Variants in CSPG5 observed in about 807,000 individuals in gnomAD.
CSPG5 encodes the protein acidic leucine-rich EGF-like domain-containing brain protein.
Under a neutral mutation model 39.8 loss-of-function variants are expected in CSPG5, and 25 were observed. That is an observed-to-expected ratio of 0.63 (90% confidence interval 0.46 to 0.88). The LOEUF is 0.88. CSPG5 is among the 40% of genes least tolerant of loss of function. CSPG5 has a pLI of 0.00. For missense variants in CSPG5, 627 were observed against 702.2 expected (o/e 0.89, Z 1.21); for synonymous variants, 295 against 303.9 (o/e 0.97, Z 0.31).
At position 47,572,904 on chromosome 3, in the gene CSPG5, G is replaced by A. The variant is rs771058412; in HGVS notation, c.1194-30C>T. ...AGCAGCGACATTGAGAAACCGTGGC[G>A]ATGGAGCAGGCAGCCACGGCCACAG... On this transcript the variant is annotated intron_variant, in intron 2 of 4. Coordinates refer to ENST00000264723, the MANE Select transcript of CSPG5 (RefSeq NM_006574.4). This position sits in a 1 kb window ranked among gnomAD's most constrained non-coding sequence, Gnocchi z 4.5. 7 of 1,592,494 alleles carry A rather than the reference G, an allele frequency of 4.4e-6. No homozygotes were observed. The highest frequency in any genetic ancestry group is 4.3e-6 in the Non-Finnish European group (5 of 1,165,728).
At chr3:47,569,845 T>G (rs1270195362) in intron 3 of CSPG5, among the ~76,000 whole-genome samples, 1 of 151,058 alleles carries the variant, frequency 6.6e-6, no homozygotes, top group African/African-American at 2.4e-5. Context: ...CCTCCTGGAC[T>G]CAAGTGATCT....
At chr3:47,566,285 T>C (rs758233306) in intron 4 of CSPG5, among the ~76,000 whole-genome samples, 28 of 136,362 alleles carry the variant, frequency 2.1e-4, no homozygotes, top group Non-Finnish European at 2.8e-4. Context: ...GAGAGAGGGG[T>C]GGGGAGAAGC....
At chr3:47,567,683 T>C (rs2031363738) in intron 4 of CSPG5, among the ~76,000 whole-genome samples, 1 of 152,202 alleles carries the variant, frequency 6.6e-6, no homozygotes, top group Non-Finnish European at 1.5e-5. Context: ...TCTTATTCTC[T>C]CTTCCCCCTT....
chr3:47,566,688 A>G (rs1279337270), intron 4 of CSPG5, among the ~76,000 whole-genome samples: 3 of 152,158 alleles, frequency 2.0e-5, no homozygotes, highest in Non-Finnish European at 2.9e-5. Flanking sequence ...GTTACAATAA[A>G]AAAAGGCACC....
Position 47,562,769 on chromosome 3 carries a change from A to G in CSPG5, c.1459-8T>C. Reference sequence around the variant, plus strand: ...GGGAGCACTAGGATCATCCTGGAAGAGGGAAAAAGTTGGGGGGGGGGAGAC... The same window carrying G: ...GGGAGCACTAGGATCATCCTGGAAGGGGGAAAAAGTTGGGGGGGGGGAGAC... On this transcript the variant is annotated splice_region_variant and splice_polypyrimidine_tract_variant and intron_variant, in intron 4 of 4. Transcript: ENST00000264723. 1 of 1,571,114 alleles carries G rather than the reference A, an allele frequency of 6.4e-7. No individual in the cohort carries two copies. Among genetic ancestry groups the G allele is most frequent in the Non-Finnish European group, 8.7e-7 (1 of 1,151,162 alleles).
At chr3:47,570,082 C>CT (rs923270981) in intron 3 of CSPG5, among the ~76,000 whole-genome samples, 228 of 146,304 alleles carry the variant, frequency 1.6e-3, no homozygotes, top group Middle Eastern at 3.5e-3. Flanking sequence ...CATGGATTAT[C>CT]TTTTTTTTTT....
In CSPG5 at chr3:47,577,418, G is replaced by A. The variant is rs1027348370; in HGVS notation, c.608C>T (p.Pro203Leu). The A allele has an allele frequency of 6.2e-7, 1 of 1,614,176 alleles. No individual in the cohort carries two copies. The highest frequency in any genetic ancestry group is 8.5e-7 in the Non-Finnish European group (1 of 1,180,028). ...YPFQGTLEPQPASDIIDIDYF... is the reference protein window; with the variant it reads ...YPFQGTLEPQLASDIIDIDYF... Reference sequence around the variant, plus strand: ...GTCGATGTCAATGATATCTGATGCCGGTTGGGGCTCCAGGGTGCCCTGAAA... The same window carrying A: ...GTCGATGTCAATGATATCTGATGCCAGTTGGGGCTCCAGGGTGCCCTGAAA... The change falls in exon 2 of 5, where the codon CCG becomes CTG. Residue 203 changes from proline to leucine, a missense_variant. Coordinates refer to ENST00000264723, the MANE Select transcript of CSPG5 (RefSeq NM_006574.4). This position sits in a 1 kb window ranked among gnomAD's most constrained non-coding sequence, Gnocchi z 4.7.
At chr3:47,563,058 T>G (rs748900137) in intron 4 of CSPG5, among the ~76,000 whole-genome samples, 1 of 152,224 alleles carries the variant, frequency 6.6e-6, no homozygotes, top group Non-Finnish European at 1.5e-5. Flanking sequence ...AAAGAGTCCC[T>G]TGGCCCAGGC....
chr3:47,573,111 G>A (rs971369866), intron 2 of CSPG5, among the ~76,000 whole-genome samples: 2 of 152,218 alleles, frequency 1.3e-5, no homozygotes, highest in Non-Finnish European at 2.9e-5. Flanking sequence ...TGAGGTAACC[G>A]AGGTGTAGAG....
rs773841687 is a variant in CSPG5 at position 47,562,688 on chromosome 3, A to T, written c.1532T>A (p.Ile511Asn). The T allele has an allele frequency of 2.5e-5, 40 of 1,613,302 alleles. No individual in the cohort carries two copies. The East Asian group carries it at 8.9e-4, about 36-fold the overall frequency. Residue 511 changes from isoleucine (I) to asparagine (N), a missense_variant, in exon 5 of 5, where the codon ATC (isoleucine) becomes AAC (asparagine). Transcript: ENST00000264723. ...AAGTTTGGGCGACATGGAGTTCTGG[A>T]TGTTAAATGACTCCTCCTCTTTCAG... ...SCLKEEESFN[I>N]QNSMSPKLEG... is the part of the protein sequence containing the mutation.
At chr3:47,569,283 A>T in intron 3 of CSPG5, 56 bp from the exon 4 acceptor site, 1 of 1,553,144 alleles carries the variant, frequency 6.4e-7, no homozygotes, top group Non-Finnish European at 8.9e-7. Context: ...ACGGCAAAAC[A>T]TGACAATGTC....
intron 3 of CSPG5, among the ~76,000 whole-genome samples, chr3:47,570,748 C>T (rs992052072): frequency 2.0e-5 from 3 of 151,850 alleles, no homozygotes; most frequent in African/African-American, 7.3e-5. Flanking sequence ...CCTCGTGATC[C>T]ACCCATCGTG....
Position 47,577,854 on chromosome 3 carries a change from C to T in CSPG5, c.172G>A (p.Asp58Asn). ...GGTGGGCCGGCTTCTTCCCGCGTGTCGTTGGCAGGCGGCTCCCACGCCGGG... is the reference window on the plus strand; with the variant it reads ...GGTGGGCCGGCTTCTTCCCGCGTGTTGTTGGCAGGCGGCTCCCACGCCGGG... ...GSPAWEPPAN[D>N]TREEAGPPAA... Residue 58 changes from aspartate to asparagine, a missense_variant, in exon 2 of 5, where the codon GAC (aspartate) becomes AAC (asparagine). Transcript: ENST00000264723. This position sits in a 1 kb window ranked among gnomAD's most constrained non-coding sequence, Gnocchi z 4.7. 1 of 1,537,970 alleles carries T rather than the reference C, an allele frequency of 6.5e-7. No homozygotes were observed.
rs1363815224 is a variant in CSPG5 at position 47,577,782 on chromosome 3, G to T, written c.244C>A (p.Leu82Met). Residue 82 changes from leucine (L) to methionine (M), a missense_variant, in exon 2 of 5, where the codon CTG becomes ATG. Coordinates refer to ENST00000264723, the MANE Select transcript of CSPG5 (RefSeq NM_006574.4). The surrounding 1 kb of genome is among the most constrained non-coding windows in gnomAD (Gnocchi z 4.7). ...EASWTAPGGE[L>M]AGPEEVLQES... ...TGCAGCACCTCTTCTGGCCCGGCCA[G>T]CTCGCCACCGGGCGCCGTCCACGAC... 5.7e-6 allele frequency: 9 copies of T among 1,585,856 alleles called. No individual in the cohort carries two copies. In the East Asian group the frequency reaches 2.1e-4, roughly 36 times the overall value.
At position 47,572,757 on chromosome 3, in the gene CSPG5, G is replaced by A. The variant is rs375530152; in HGVS notation, c.1311C>T (p.Phe437=). 2 of 1,614,102 alleles carry A rather than the reference G, an allele frequency of 1.2e-6. No individual in the cohort carries two copies. The highest frequency in any genetic ancestry group is 8.5e-7 in the Non-Finnish European group (1 of 1,180,054). The part of the protein sequence containing the change: ...GSAALVLLLL[F]MMTVFFAKKL... ...TCTTGGCAAAGAACACCGTCATCAT[G>A]AAGAGCAGGAGCAGGACGAGGGCAG... is the stretch of plus-strand genomic sequence containing the variant. The change falls in exon 3 of 5, where the codon TTC becomes TTT. Residue 437 remains phenylalanine, a synonymous_variant. Coordinates refer to ENST00000264723, the MANE Select transcript of CSPG5 (RefSeq NM_006574.4). The surrounding 1 kb of genome is among the most constrained non-coding windows in gnomAD (Gnocchi z 4.5).
chr3:47,576,899 A>G lies in CSPG5; in HGVS notation c.1127T>C (p.Leu376Pro), dbSNP rs764469635. 7.5e-6 allele frequency: 12 copies of G among 1,601,408 alleles called. No individual in the cohort carries two copies. Among genetic ancestry groups the G allele is most frequent in the Non-Finnish European group, 1.0e-5 (12 of 1,172,386 alleles). The change falls in exon 2 of 5, where the codon CTC becomes CCC. Residue 376 changes from leucine to proline, a missense_variant. By Grantham distance (98) the Leu-to-Pro change is moderately conservative. Coordinates refer to ENST00000264723, the MANE Select transcript of CSPG5 (RefSeq NM_006574.4). ...HNGSCRSVCD[L>P]FPSYCHNGGQ... The stretch of plus-strand genomic sequence containing the variant: ...GCCATTGTGACAGTAACTTGGGAAG[A>G]GGTCGCACACTGACCGGCAGGAGCC...
Position 47,572,043 on chromosome 3 carries a change from C to T in CSPG5, c.1382+643G>A, listed in dbSNP as rs1189255830. 6.6e-6 allele frequency among the ~76,000 whole-genome samples: 1 copy of T among 152,152 alleles called. No homozygotes were observed. Among genetic ancestry groups the T allele is most frequent in the Non-Finnish European group, 1.5e-5 (1 of 68,042 alleles). ...AAATAAGATTCTACATCCCGTATGGCCCTTAAAATCCACAGTAGAGGAAGT... is the reference window on the plus strand; with the variant it reads ...AAATAAGATTCTACATCCCGTATGGTCCTTAAAATCCACAGTAGAGGAAGT... On this transcript the variant is annotated intron_variant, in intron 3 of 4. Coordinates refer to ENST00000264723, the MANE Select transcript of CSPG5 (RefSeq NM_006574.4). This position sits in a 1 kb window ranked among gnomAD's most constrained non-coding sequence, Gnocchi z 4.5.
chr3:47,568,969 C>G, intron 4 of CSPG5, 183 bp downstream of exon 4: 2 of 1,122,068 alleles, frequency 1.8e-6, no homozygotes, highest in South Asian at 3.8e-5. Context: ...CCTAGGCTGA[C>G]CTCCAGAGCT....
upstream of CSPG5, chr3:47,580,071 C>T (rs1461031369): frequency 6.6e-5 from 10 of 152,258 alleles, no homozygotes; most frequent in Admixed American, 6.5e-4. Flanking sequence ...CTCAGCAGAA[C>T]TATGGCTGCA....
Sources: allele counts gnomAD v4.1 joint callset (sites outside exome capture counted in the v4.1 genomes callset), GRCh38; gene constraint gnomAD v4.1.1; non-coding constraint Gnocchi (gnomAD v3.1); transcripts MANE v1.5; gene names NCBI Gene and HGNC (gene_info 2026-07-23, HGNC 2026-07-21).